DGKB: variants seen among roughly 807,000 people sequenced by gnomAD.
The protein encoded by DGKB is diacylglycerol kinase beta.
In DGKB, 67 loss-of-function variants were observed where a neutral mutation model predicts 114.3. The observed-to-expected ratio is 0.59, with a 90% CI of 0.48 to 0.72. The LOEUF (loss-of-function observed/expected upper bound fraction) is 0.72. Among genes scored for constraint, DGKB ranks in the 30% least tolerant of loss-of-function variants. DGKB has a pLI of 0.00. For synonymous variants in DGKB, 398 were observed against 323.1 expected, an observed-to-expected ratio of 1.23 and a Z score of -2.49; for missense variants, 907 against 975.2, an observed-to-expected ratio of 0.93 and a Z score of 0.93.
chr7:14,526,962 A>G (rs1420331900), intron 20 of DGKB, among the ~76,000 whole-genome samples: 1 of 152,148 alleles, frequency 6.6e-6, no homozygotes, highest in East Asian at 1.9e-4. Context: ...AAATCCTACT[A>G]GTAATATGTT....
intron 1 of DGKB, among the ~76,000 whole-genome samples, chr7:14,918,561 T>A (rs565222185): frequency 6.6e-6 from 1 of 152,072 alleles, no homozygotes; most frequent in African/African-American, 2.4e-5. Context: ...TAACAAAATA[T>A]ATACAGGATG....
At chr7:14,691,909 C>CT (rs11410892) in intron 9 of DGKB, among the ~76,000 whole-genome samples, 8,639 of 151,412 alleles carry the variant, frequency 0.057, 805 homozygotes, top group African/African-American at 0.2. Context: ...CAGACACTCC[C>CT]TTTTACTAAA....
At chr7:14,556,964 CT>C (rs1431187445) in intron 20 of DGKB, among the ~76,000 whole-genome samples, 1 of 152,130 alleles carries the variant, frequency 6.6e-6, no homozygotes, top group Non-Finnish European at 1.5e-5. Context: ...CTCTTACTAC[CT>C]TTCTACATTT....
At chr7:14,860,892 A>C (rs1850879689) in intron 1 of DGKB, among the ~76,000 whole-genome samples, 1 of 151,988 alleles carries the variant, frequency 6.6e-6, no homozygotes, top group Non-Finnish European at 1.5e-5. Flanking sequence ...GGAAAATACA[A>C]TTATAAATAT....
intron 2 of DGKB, among the ~76,000 whole-genome samples, chr7:14,828,770 A>C (rs1411347185): frequency 6.6e-6 from 1 of 152,132 alleles, no homozygotes; most frequent in Non-Finnish European, 1.5e-5. Flanking sequence ...AAAGACTCTC[A>C]AGTCACCATT....
chr7:14,958,634 T>G (rs1786660823), intron 1 of DGKB, among the ~76,000 whole-genome samples: 1 of 152,056 alleles, frequency 6.6e-6, no homozygotes, highest in Non-Finnish European at 1.5e-5. Context: ...TTTTCATTGC[T>G]TCAAGCCTTT....
chr7:14,697,656 GA>G (rs1294936377), intron 8 of DGKB, among the ~76,000 whole-genome samples: 1,357 of 96,090 alleles, frequency 0.014, 26 homozygotes, highest in African/African-American at 0.049. Context: ...CCAGACAAGA[GA>G]AAAAAAAAGA....
chr7:14,499,513 C>A (rs747239541), intron 20 of DGKB, among the ~76,000 whole-genome samples: 15 of 151,722 alleles, frequency 9.9e-5, no homozygotes, highest in Non-Finnish European at 2.1e-4. Context: ...CTTAAGTCTT[C>A]TTGAATACCA....
chr7:14,803,243 G>C (rs1842404249), intron 2 of DGKB, among the ~76,000 whole-genome samples: 1 of 152,084 alleles, frequency 6.6e-6, no homozygotes, highest in Non-Finnish European at 1.5e-5. Flanking sequence ...CACCAGTCTT[G>C]AGCAAACAAT....
intron 2 of DGKB, among the ~76,000 whole-genome samples, chr7:14,812,229 G>A (rs1277470442): frequency 6.6e-6 from 1 of 152,002 alleles, no homozygotes; most frequent in Admixed American, 6.6e-5. Flanking sequence ...TAGTTATTAT[G>A]AATAATGCTG....
At chr7:14,884,688 T>TA (rs1188565960) in intron 1 of DGKB, among the ~76,000 whole-genome samples, 1 of 151,900 alleles carries the variant, frequency 6.6e-6, no homozygotes, top group African/African-American at 2.4e-5. Flanking sequence ...TACCACCAAG[T>TA]ATAGCCATGA....
At chr7:14,628,613 G>A (rs1809085107) in intron 14 of DGKB, among the ~76,000 whole-genome samples, 1 of 152,052 alleles carries the variant, frequency 6.6e-6, no homozygotes, top group Admixed American at 6.6e-5. Flanking sequence ...AACATTTAAT[G>A]TATGTATATA....
intron 13 of DGKB, among the ~76,000 whole-genome samples, chr7:14,647,120 A>C (rs1813192619): frequency 6.6e-6 from 1 of 152,156 alleles, no homozygotes; most frequent in East Asian, 1.9e-4. Flanking sequence ...GAAACAAAAA[A>C]GGAGACATTA....
In DGKB at chr7:14,972,143, T is replaced by C. The variant is rs377261130; in HGVS notation, c.-188+2553A>G. ...GTTCTAGTTGTGAAAAAAATTAGAG[T>C]CTGGAATGTCTATTTTATTCACAAG... On this transcript the variant is annotated intron_variant, in intron 1 of 4. Transcript: ENST00000437998. 3.9e-5 allele frequency among the ~76,000 whole-genome samples: 6 copies of C among 152,118 alleles called. No individual in the cohort carries two copies. In the South Asian group the frequency reaches 1.0e-3, roughly 26 times the overall value.
chr7:14,338,862 C>T (rs1811134093), intron 22 of DGKB, among the ~76,000 whole-genome samples, 152 bp from the exon 23 acceptor site: 1 of 152,072 alleles, frequency 6.6e-6, no homozygotes, highest in Non-Finnish European at 1.5e-5. Flanking sequence ...TAAACACTTA[C>T]CCTGAGTCAA....
chr7:14,933,051 G>T (rs866184463), intron 1 of DGKB, among the ~76,000 whole-genome samples: 1 of 152,130 alleles, frequency 6.6e-6, no homozygotes, highest in Non-Finnish European at 1.5e-5. Flanking sequence ...TTACCTCTTG[G>T]ATGGTAAGGG....
chr7:14,965,369 T>A (rs560321723), intron 1 of DGKB, among the ~76,000 whole-genome samples: 5 of 152,032 alleles, frequency 3.3e-5, no homozygotes, highest in Non-Finnish European at 7.4e-5. Context: ...AGGGGAATAG[T>A]TTTTAATACC....
intron 23 of DGKB, among the ~76,000 whole-genome samples, chr7:14,216,190 T>C (rs1199089257): frequency 6.6e-6 from 1 of 151,944 alleles, no homozygotes; most frequent in Non-Finnish European, 1.5e-5. Context: ...GAAGAAGAAA[T>C]AATTTAAATT....
intron 1 of DGKB, among the ~76,000 whole-genome samples, chr7:14,968,923 T>C (rs1270257229): frequency 2.6e-5 from 4 of 152,202 alleles, no homozygotes; most frequent in Non-Finnish European, 5.9e-5. Context: ...TTTCTTACTA[T>C]GTATTATCAG....
Sources: gnomAD v4.1 joint callset for allele counts (sites outside exome capture counted in the v4.1 genomes callset) on GRCh38, gnomAD v4.1.1 for gene constraint, MANE v1.5 for transcripts, NCBI Gene and HGNC (gene_info 2026-07-23, HGNC 2026-07-21) for gene names.